SPATA6L: variants seen among roughly 807,000 people sequenced by gnomAD.
The protein encoded by SPATA6L is spermatogenesis associated 6-like protein.
A neutral mutation model predicts 49.2 loss-of-function variants in SPATA6L; 68 were observed. The observed-to-expected ratio is 1.38, with a 90% CI of 1.14 to 1.69. The LOEUF is 1.69. Ranked by LOEUF, SPATA6L falls within the 40% of genes most tolerant of loss-of-function variation. The pLI, the probability that SPATA6L is intolerant of heterozygous loss-of-function variation, is 0.00. For synonymous variants in SPATA6L, 198 were observed against 165.7 expected (o/e 1.19, Z -1.50); for missense variants, 668 against 464.3 (o/e 1.44, Z -4.03).
Position 4,598,817 on chromosome 9 carries a change from C to T in SPATA6L, c.*1994G>A, listed in dbSNP as rs117748970. Among the ~76,000 whole-genome samples the T allele has an allele frequency of 6.6e-6, 1 of 152,324 alleles. No individual in the cohort carries two copies. Among genetic ancestry groups the T allele is most frequent in the Non-Finnish European group, 1.5e-5 (1 of 68,018 alleles). On this transcript the variant is annotated 3_prime_UTR_variant, in exon 12 of 12. Coordinates refer to ENST00000682582, the MANE Select transcript of SPATA6L (RefSeq NM_001353486.2). ...CTACTTAGAGGTAACATCAAAACAA[C>T]AAATTGACAACCATAGTTTCAGAGA...
At chr9:4,590,080 C>T (rs1277659952) in intron 13 of SPATA6L, among the ~76,000 whole-genome samples, 3 of 152,054 alleles carry the variant, frequency 2.0e-5, no homozygotes, top group South Asian at 2.1e-4. Context: ...TGCACCACCA[C>T]GCCCAGCTAA....
intron 2 of SPATA6L, among the ~76,000 whole-genome samples, chr9:4,657,175 G>T (rs1269717179): frequency 6.6e-6 from 1 of 151,024 alleles, no homozygotes; most frequent in Non-Finnish European, 1.5e-5. Context: ...TTGATTTCAG[G>T]CTTTAAAGTT....
chr9:4,627,790 C>T, intron 5 of SPATA6L: 1 of 1,289,350 alleles, frequency 7.8e-7, no homozygotes. Flanking sequence ...GCATCAGCCT[C>T]AGCAAAAGAA....
At position 4,600,483 on chromosome 9, in the gene SPATA6L, C is replaced by CAGAGAGAGAGAGAGAGAGAGAG. The variant is rs369628564; in HGVS notation, c.*327_*328insCTCTCTCTCTCTCTCTCTCTCT. 3 of 19,440 alleles carry CAGAGAGAGAGAGAGAGAGAGAG rather than the reference C, an allele frequency of 1.5e-4. No homozygotes were observed. Among genetic ancestry groups the CAGAGAGAGAGAGAGAGAGAGAG allele is most frequent in the Non-Finnish European group, 3.3e-4 (2 of 6,024 alleles). The allele number at this position is 19,440 out of a possible 1,614,324, so 1.2% of individuals were successfully genotyped here. ...TTTGAGAGAGAGAGACAGAGAGAGCCAGAGAGAGCCAGAGAGAGAGAGAGG... is the reference window on the plus strand; with the variant it reads ...TTTGAGAGAGAGAGACAGAGAGAGCCAGAGAGAGAGAGAGAGAGAGAGAGAGAGAGCCAGAGAGAGAGAGAGG... On this transcript the variant is annotated 3_prime_UTR_variant, in exon 12 of 12. Coordinates refer to ENST00000682582, the MANE Select transcript of SPATA6L (RefSeq NM_001353486.2).
At chr9:4,654,061 T>C (rs1024444333) in intron 3 of SPATA6L, among the ~76,000 whole-genome samples, 1 of 152,160 alleles carries the variant, frequency 6.6e-6, no homozygotes, top group African/African-American at 2.4e-5. Flanking sequence ...TTCAATATCA[T>C]TAGCCATCAG....
chr9:4,622,392 C>T lies in SPATA6L; in HGVS notation c.772+16G>A. ...GCCATAGGGAAATGTACAGGAGTAA[C>T]AAGAAACTCGAGTACCTCTTCTCGT... is the stretch of plus-strand genomic sequence containing the variant. On this transcript the variant is annotated intron_variant, in intron 7 of 11. Transcript: ENST00000682582. 1.3e-6 allele frequency: 2 copies of T among 1,534,208 alleles called. No homozygotes were observed. Among genetic ancestry groups the T allele is most frequent in the Non-Finnish European group, 9.0e-7 (1 of 1,108,128 alleles).
chr9:4,663,342 C>T (rs1002384837), intron 1 of SPATA6L: 117 of 1,432,806 alleles, frequency 8.2e-5, no homozygotes, highest in Non-Finnish European at 1.1e-4. Flanking sequence ...AGCAGCCATC[C>T]CGCTTGTCCC....
In SPATA6L at chr9:4,600,667, C is replaced by G. The variant is rs1363762783; in HGVS notation, c.*144G>C. The G allele has an allele frequency of 6.6e-6, 1 of 152,166 alleles. No individual in the cohort carries two copies. The highest frequency in any genetic ancestry group is 2.4e-5 in the African/African-American group (1 of 41,418). 9.4% of individuals were successfully genotyped at this position (152,166 alleles called of 1,614,324 possible). ...ACAACTCTTACCTGGGCACAAAAGA[C>G]TGAGTACAGGGTTTGGTTTAAAGGG... On this transcript the variant is annotated 3_prime_UTR_variant, in exon 12 of 12. Coordinates refer to ENST00000682582, the MANE Select transcript of SPATA6L (RefSeq NM_001353486.2).
intron 3 of SPATA6L, chr9:4,646,641 A>G: frequency 2.2e-6 from 1 of 454,812 alleles, no homozygotes; most frequent in Non-Finnish European, 3.7e-6. Context: ...TAATAAAAAT[A>G]ATAATTAAAA....
chr9:4,635,973 C>T (rs1461935016), intron 3 of SPATA6L, among the ~76,000 whole-genome samples: 1 of 152,174 alleles, frequency 6.6e-6, no homozygotes, highest in African/African-American at 2.4e-5. Flanking sequence ...ACACTATCTC[C>T]CCCATCCCCA....
chr9:4,651,762 T>C (rs1433942009), intron 3 of SPATA6L, among the ~76,000 whole-genome samples: 1 of 152,184 alleles, frequency 6.6e-6, no homozygotes, highest in Admixed American at 6.5e-5. Context: ...TACTTCATGA[T>C]AAAAACTCAG....
At chr9:4,650,809 A>C (rs1836648187) in intron 3 of SPATA6L, among the ~76,000 whole-genome samples, 1 of 150,580 alleles carries the variant, frequency 6.6e-6, no homozygotes, top group Admixed American at 6.6e-5. Flanking sequence ...ACAGGCAAGC[A>C]CCACCAAACC....
At chr9:4,602,296 CTAAA>C (rs1438755378) in intron 11 of SPATA6L, among the ~76,000 whole-genome samples, 6 of 152,102 alleles carry the variant, frequency 3.9e-5, no homozygotes, top group Non-Finnish European at 8.8e-5. Flanking sequence ...GTATAACCAC[CTAAA>C]TAATTGCCTA....
At chr9:4,621,813 T>A (rs1341371811) in intron 7 of SPATA6L, among the ~76,000 whole-genome samples, 1 of 152,164 alleles carries the variant, frequency 6.6e-6, no homozygotes, top group Non-Finnish European at 1.5e-5. Flanking sequence ...ATTTTAAAAA[T>A]GTATCAGTTT....
chr9:4,600,835 T>TACATG (rs1823052894), intron 11 of SPATA6L, 26 bp from the exon 12 acceptor site: 1 of 152,212 alleles, frequency 6.6e-6, no homozygotes, highest in South Asian at 2.1e-4. Flanking sequence ...CATCACATTC[T>TACATG]ACATGTGGTA....
Position 4,608,317 on chromosome 9 carries a change from T to C in SPATA6L, c.996-2877A>G, listed in dbSNP as rs1222004001. ...GACCTAATAGACATCTACAGAACTC[T>C]CCACCCCAAATCAACAGAATATACA... On this transcript the variant is annotated intron_variant, in intron 9 of 11. Coordinates refer to ENST00000682582, the MANE Select transcript of SPATA6L (RefSeq NM_001353486.2). 6.1e-3 allele frequency among the ~76,000 whole-genome samples: 435 copies of C among 71,772 alleles called. 5 individuals are homozygous for C. The highest frequency in any genetic ancestry group is 0.028 in the African/African-American group (410 of 14,496). 47.1% of individuals were successfully genotyped at this position (71,772 alleles called of 152,430 possible).
At chr9:4,631,945 C>A (rs1831652855) in intron 4 of SPATA6L, among the ~76,000 whole-genome samples, 1 of 151,122 alleles carries the variant, frequency 6.6e-6, no homozygotes, top group African/African-American at 2.4e-5. Flanking sequence ...TGTCACCTCA[C>A]AAGGTGAAGG....
At chr9:4,595,882 G>C (rs1476143254), downstream of SPATA6L, among the ~76,000 whole-genome samples, 1 of 152,162 alleles carries the variant, frequency 6.6e-6, no homozygotes, top group African/African-American at 2.4e-5. Context: ...GTCAAAACTG[G>C]TGGCTTTGGG....
At chr9:4,638,281 G>A (rs1176548578) in intron 3 of SPATA6L, among the ~76,000 whole-genome samples, 1 of 152,012 alleles carries the variant, frequency 6.6e-6, no homozygotes, top group Admixed American at 6.6e-5. Context: ...GCACAGTTTT[G>A]GCTCACTGCT....
Sources: allele counts gnomAD v4.1 joint callset (sites outside exome capture counted in the v4.1 genomes callset), GRCh38; gene constraint gnomAD v4.1.1; transcripts MANE v1.5; gene names NCBI Gene and HGNC (gene_info 2026-07-23, HGNC 2026-07-21).